NFATC2: variants seen among roughly 807,000 people sequenced by gnomAD.
NFATC2 encodes nuclear factor of activated T cells 2, also known as nuclear factor of activated T-cells, cytoplasmic 2.
NFATC2 carries 22 observed loss-of-function variants against 87.3 expected under a neutral mutation model. The ratio of observed to expected loss-of-function variants is 0.25; its 90% CI spans 0.18 to 0.36. NFATC2 has a LOEUF of 0.36. Ranked by LOEUF, NFATC2 falls within the 10% of genes least tolerant of loss-of-function variation. NFATC2 has a pLI of 1.00. For missense variants in NFATC2, 1,149 were observed against 1,259.1 expected (o/e 0.91, Z 1.32); for synonymous variants, 565 against 542.2 (o/e 1.04, Z -0.58).
At chr20:51,498,375 T>C (rs2076024077) in intron 3 of NFATC2, among the ~76,000 whole-genome samples, 1 of 151,962 alleles carries the variant, frequency 6.6e-6, no homozygotes, top group Non-Finnish European at 1.5e-5. Flanking sequence ...TGCTTGGGAC[T>C]GGGGATGAAG....
intron 6 of NFATC2, among the ~76,000 whole-genome samples, chr20:51,442,357 G>A (rs763557698): frequency 2.6e-5 from 4 of 152,158 alleles, no homozygotes; most frequent in Admixed American, 6.5e-5. Context: ...ACTTGAATCC[G>A]GGAGGTAGAG....
At chr20:51,456,185 T>G (rs1986522833) in intron 5 of NFATC2, among the ~76,000 whole-genome samples, 2 of 152,122 alleles carry the variant, frequency 1.3e-5, no homozygotes, top group African/African-American at 2.4e-5. Context: ...TATCTCCCAG[T>G]ATGTATTCTC....
chr20:51,442,846 G>A (rs1006271301), intron 6 of NFATC2, among the ~76,000 whole-genome samples: 5 of 151,976 alleles, frequency 3.3e-5, no homozygotes, highest in Admixed American at 6.6e-5. Flanking sequence ...CGGCACAGCT[G>A]TACCCCAGGC....
intron 9 of NFATC2, among the ~76,000 whole-genome samples, chr20:51,430,315 G>A (rs1055593388): frequency 3.3e-5 from 5 of 152,172 alleles, no homozygotes; most frequent in South Asian, 2.1e-4. Flanking sequence ...ATCTGGTTAC[G>A]ACCATGCTTC....
At chr20:51,469,539 A>C (rs1988005165) in intron 5 of NFATC2, among the ~76,000 whole-genome samples, 1 of 152,166 alleles carries the variant, frequency 6.6e-6, no homozygotes, top group African/African-American at 2.4e-5. Flanking sequence ...CCTCCCTGCA[A>C]ACTTCACATC....
intron 3 of NFATC2, among the ~76,000 whole-genome samples, chr20:51,500,622 TCCCACC>T (rs2076062162): frequency 7.8e-6 from 1 of 128,968 alleles, no homozygotes; most frequent in African/African-American, 3.2e-5. Context: ...CCAAGAATGC[TCCCACC>T]CCTCCACCCT....
At chr20:51,502,339 GT>G (rs1412136026) in intron 3 of NFATC2, among the ~76,000 whole-genome samples, 1 of 152,166 alleles carries the variant, frequency 6.6e-6, no homozygotes, top group Non-Finnish European at 1.5e-5. Context: ...TTTGGGGTTT[GT>G]TTTGAGACAG....
At chr20:51,508,286 C>T (rs563131106) in intron 3 of NFATC2, among the ~76,000 whole-genome samples, 8 of 152,154 alleles carry the variant, frequency 5.3e-5, no homozygotes, top group Middle Eastern at 3.4e-3. Flanking sequence ...GCGCCAGCCC[C>T]GACCCTGGCG....
At chr20:51,492,585 G>A (rs1193925195) in intron 3 of NFATC2, among the ~76,000 whole-genome samples, 1 of 152,256 alleles carries the variant, frequency 6.6e-6, no homozygotes, top group Non-Finnish European at 1.5e-5. Flanking sequence ...CACCAGCCAA[G>A]ATAAGGGGAC....
chr20:51,501,515 C>T (rs1600884620), intron 3 of NFATC2, among the ~76,000 whole-genome samples: 1 of 152,242 alleles, frequency 6.6e-6, no homozygotes, highest in East Asian at 1.9e-4. Context: ...TCAGCACTGG[C>T]TGCTCCCTTT....
At chr20:51,452,902 C>T (rs921466308) in intron 6 of NFATC2, 3 of 154,726 alleles carry the variant, frequency 1.9e-5, no homozygotes, top group East Asian at 1.9e-4. Flanking sequence ...GGAGAGTTTC[C>T]GCAGGTGACA....
In NFATC2 at chr20:51,503,812, A is replaced by C. The variant is rs551309703; in HGVS notation, c.1332+12972T>G. ...AAAAGCCTGAACAACCTGATGAAGA[A>C]ACAATCTCACTTGATGCTTGACCAG... On this transcript the variant is annotated intron_variant, in intron 3 of 10. Coordinates refer to ENST00000371564, the MANE Select transcript of NFATC2 (RefSeq NM_012340.5). Among the ~76,000 whole-genome samples the C allele has an allele frequency of 3.3e-3, 496 of 152,292 alleles. 1 individual carries two copies. Among genetic ancestry groups the C allele is most frequent in the Middle Eastern group, 0.014 (4 of 294 alleles).
chr20:51,421,003 G>C (rs1980812062), intron 9 of NFATC2, among the ~76,000 whole-genome samples: 1 of 151,260 alleles, frequency 6.6e-6, no homozygotes, highest in Non-Finnish European at 1.5e-5. Context: ...CGACACTGCA[G>C]TGCACCATGA....
intron 5 of NFATC2, among the ~76,000 whole-genome samples, chr20:51,456,738 T>C (rs973890030): frequency 2.6e-5 from 4 of 152,160 alleles, no homozygotes; most frequent in African/African-American, 7.2e-5. Context: ...GACCTCCCCA[T>C]CCGCGAGCCT....
intron 3 of NFATC2, among the ~76,000 whole-genome samples, chr20:51,493,521 G>T (rs73910890): frequency 0.022 from 3,415 of 152,250 alleles, 132 homozygotes; most frequent in African/African-American, 0.078. Flanking sequence ...GTGAATCTAC[G>T]ATAAAAGAAA....
Position 51,439,882 on chromosome 20 carries a change from C to T in NFATC2, c.1850-4121G>A, listed in dbSNP as rs3787207. ...CAACATATGGAGATAATCATAGTAC[C>T]CACACCTTATGGGGTCGTTCTGAAG... On this transcript the variant is annotated intron_variant, in intron 6 of 10. Coordinates refer to ENST00000371564, the MANE Select transcript of NFATC2 (RefSeq NM_012340.5). 0.011 allele frequency among the ~76,000 whole-genome samples: 1,705 copies of T among 152,232 alleles called. 83 individuals are homozygous for T. In the East Asian group the frequency reaches 0.16, roughly 14 times the overall value.
At chr20:51,522,811 G>A (rs1468633854) in intron 2 of NFATC2, among the ~76,000 whole-genome samples, 1 of 152,142 alleles carries the variant, frequency 6.6e-6, no homozygotes, top group Non-Finnish European at 1.5e-5. Context: ...TAAACCAGGT[G>A]CCATATGAGC....
At chr20:51,437,208 A>T (rs527327885) in intron 6 of NFATC2, among the ~76,000 whole-genome samples, 38 of 152,220 alleles carry the variant, frequency 2.5e-4, no homozygotes, top group African/African-American at 8.7e-4. Context: ...TGAAACAAAT[A>T]ATTTCAACAA....
intron 6 of NFATC2, among the ~76,000 whole-genome samples, chr20:51,442,538 C>T (rs1302339191): frequency 6.6e-6 from 1 of 152,186 alleles, no homozygotes; most frequent in African/African-American, 2.4e-5. Context: ...CTTAAGTCTG[C>T]TTAAACTTAG....
Sources: allele counts gnomAD v4.1 joint callset (sites outside exome capture counted in the v4.1 genomes callset), GRCh38; gene constraint gnomAD v4.1.1; transcripts MANE v1.5; gene names NCBI Gene and HGNC (gene_info 2026-07-23, HGNC 2026-07-21).